The following TMEM33 variants were observed in gnomAD, a reference collection of about 807,000 sequenced individuals.
The protein encoded by TMEM33 is transmembrane protein 33.
A neutral mutation model predicts 29.7 loss-of-function variants in TMEM33; 16 were observed. The ratio of observed to expected loss-of-function variants is 0.54; its 90% confidence interval spans 0.36 to 0.82. The LOEUF (loss-of-function observed/expected upper bound fraction) is 0.82, where lower values mean the gene tolerates loss of function less well. TMEM33 is among the 40% of genes least tolerant of loss of function. The pLI is 0.00. For synonymous variants in TMEM33, 112 were observed against 109.4 expected (o/e 1.02, Z -0.15); for missense variants, 252 against 295.3 (o/e 0.85, Z 1.08).
intron 3 of TMEM33, among the ~76,000 whole-genome samples, chr4:41,940,036 GTTA>G (rs1290655114): frequency 2.3e-5 from 3 of 132,790 alleles, no homozygotes; most frequent in Non-Finnish European, 4.7e-5. Context: ...TGAACACTAG[GTTA>G]AACTTTCTTT....
chr4:41,951,657 A>G (rs1713043664), intron 6 of TMEM33, among the ~76,000 whole-genome samples: 1 of 152,212 alleles, frequency 6.6e-6, no homozygotes, highest in South Asian at 2.1e-4. Flanking sequence ...CTGCTGAATA[A>G]ATTAGACAGC....
chr4:41,943,863 A>G (rs1372816733), intron 4 of TMEM33, 49 bp downstream of exon 4: 2 of 1,558,130 alleles, frequency 1.3e-6, no homozygotes, highest in Non-Finnish European at 1.8e-6. Flanking sequence ...GATCATTGAC[A>G]TGAATTTGAG....
chr4:41,946,123 A>G (rs761859047), intron 5 of TMEM33, among the ~76,000 whole-genome samples: 2 of 141,426 alleles, frequency 1.4e-5, no homozygotes, highest in Non-Finnish European at 3.0e-5. Flanking sequence ...TTATCTCCTG[A>G]TCATGGAATA....
At position 41,959,795 on chromosome 4, in the gene TMEM33, AC is replaced by A; in HGVS notation, c.*5597del. On this transcript the variant is annotated 3_prime_UTR_variant, in exon 7 of 7. Transcript: ENST00000504986. ...ATATTGGAACAAATGTAAAAGGGTT[AC>A]AAAGATTAGAAACAGAGTCATAAAA... is the stretch of plus-strand genomic sequence containing the variant. 1 of 152,224 alleles carries A rather than the reference AC, an allele frequency of 6.6e-6. No individual in the cohort carries two copies. The highest frequency in any genetic ancestry group is 1.9e-4 in the East Asian group (1 of 5,204). The allele number at this position is 152,224 out of a possible 1,614,324, so 9.4% of individuals were successfully genotyped here. A position where few individuals can be genotyped will look rare whatever the true frequency, so the allele number is the denominator to read the frequency against.
Position 41,938,628 on chromosome 4 carries a change from C to T in TMEM33, c.72C>T (p.Asp24=). The T allele has an allele frequency of 6.2e-7, 1 of 1,614,060 alleles. No homozygotes were observed. Among genetic ancestry groups the T allele is most frequent in the Non-Finnish European group, 8.5e-7 (1 of 1,180,004 alleles). Residue 24 remains aspartate, a synonymous_variant, in exon 2 of 7, where the codon GAC becomes GAT. Coordinates refer to ENST00000504986, the MANE Select transcript of TMEM33 (RefSeq NM_018126.3). The part of the protein sequence containing the change: ...AVQFMMTNKL[D]TAMWLSRLFT... ...AATTCATGATGACCAATAAACTGGA[C>T]ACGGCAATGTGGCTTTCTCGCTTGT...
At chr4:41,943,224 A>G (rs1712620111) in intron 3 of TMEM33, among the ~76,000 whole-genome samples, 1 of 152,150 alleles carries the variant, frequency 6.6e-6, no homozygotes, top group Non-Finnish European at 1.5e-5. Context: ...AATTTTTGTC[A>G]TGAAAAGAAC....
At chr4:41,953,124 T>A (rs1437191051) in intron 6 of TMEM33, among the ~76,000 whole-genome samples, 4 of 152,172 alleles carry the variant, frequency 2.6e-5, no homozygotes, top group Non-Finnish European at 5.9e-5. Context: ...CCATAAAAGA[T>A]GTAGGTGTTG....
intron 3 of TMEM33, among the ~76,000 whole-genome samples, chr4:41,942,274 AT>A (rs1712576308): frequency 6.6e-6 from 1 of 152,244 alleles, no homozygotes; most frequent in Non-Finnish European, 1.5e-5. Flanking sequence ...AAAACTTTTT[AT>A]ATACATATAT....
At chr4:41,940,822 A>AG (rs1712507875) in intron 3 of TMEM33, among the ~76,000 whole-genome samples, 1 of 151,628 alleles carries the variant, frequency 6.6e-6, no homozygotes, top group African/African-American at 2.4e-5. Flanking sequence ...AAAAAAAAAA[A>AG]AAAAAAAAGA....
At chr4:41,935,566 AAG>A in intron 1 of TMEM33, 37 bp downstream of exon 1, 2 of 1,581,018 alleles carry the variant, frequency 1.3e-6, no homozygotes, top group Non-Finnish European at 8.6e-7. Flanking sequence ...CTTGATTTGC[AAG>A]AGTTAGGAAG....
Position 41,942,455 on chromosome 4 carries a change from A to G in TMEM33, c.329-1292A>G, listed in dbSNP as rs115926625. On this transcript the variant is annotated intron_variant, in intron 3 of 6. Transcript: ENST00000504986. ...GGAAACTGGGACCCTTGAATTCCTA[A>G]ATGAGTTATGGTTATAATGAATTTG... is the stretch of plus-strand genomic sequence containing the variant. Among the ~76,000 whole-genome samples, 751 of 152,270 alleles carry G rather than the reference A, an allele frequency of 4.9e-3. 8 individuals carry two copies. Among genetic ancestry groups the G allele is most frequent in the African/African-American group, 0.017 (689 of 41,544 alleles).
At position 41,944,882 on chromosome 4, in the gene TMEM33, C is replaced by T; in HGVS notation, c.486C>T (p.Cys162=). ...AAAATATTCTGAAATTCATTGCTTG[C>T]AATGAAATATTCCTGATGCCTGCGA... ...NQQNILKFIA[C]NEIFLMPATV... is the part of the protein sequence containing the mutation. Residue 162 remains cysteine, a synonymous_variant, in exon 5 of 7, where the codon TGC becomes TGT. Transcript: ENST00000504986. The T allele has an allele frequency of 6.2e-7, 1 of 1,613,350 alleles. No homozygotes were observed. Among genetic ancestry groups the T allele is most frequent in the Non-Finnish European group, 8.5e-7 (1 of 1,179,788 alleles).
In TMEM33 at chr4:41,949,452, A is replaced by T. The variant is rs183718818; in HGVS notation, c.614+67A>T. ...GTATTGTGAATATATAGTATTCGCA[A>T]TTCTTAAGAGTTACTTAGCTAATGT... is the stretch of plus-strand genomic sequence containing the variant. On this transcript the variant is annotated intron_variant, in intron 6 of 6. Transcript: ENST00000504986. The T allele has an allele frequency of 2.3e-3, 2,908 of 1,285,068 alleles. 8 individuals carry two copies. The highest frequency in any genetic ancestry group is 3.5e-3 in the South Asian group (262 of 75,038). 79.6% of individuals were successfully genotyped at this position (1,285,068 alleles called of 1,614,324 possible). A position where few individuals can be genotyped will look rare whatever the true frequency, so the allele number is the denominator to read the frequency against.
chr4:41,949,136 T>A (rs1712923378), intron 5 of TMEM33, among the ~76,000 whole-genome samples, 166 bp from the exon 6 acceptor site: 6 of 152,170 alleles, frequency 3.9e-5, no homozygotes, highest in Admixed American at 3.3e-4. Flanking sequence ...GTACATTCTT[T>A]TATATCCTTT....
chr4:41,951,706 A>G (rs928926621), intron 6 of TMEM33, among the ~76,000 whole-genome samples: 2 of 152,362 alleles, frequency 1.3e-5, no homozygotes, highest in East Asian at 3.9e-4. Flanking sequence ...CTCTGAAAGC[A>G]TAGAGAACAG....
chr4:41,953,926 G>C (rs1447942585), intron 6 of TMEM33, 144 bp from the exon 7 acceptor site: 1 of 916,502 alleles, frequency 1.1e-6, no homozygotes, highest in Non-Finnish European at 1.7e-6. Flanking sequence ...TTGGAAAGTG[G>C]CACTGATAGT....
At chr4:41,952,390 C>T (rs1475903992) in intron 6 of TMEM33, among the ~76,000 whole-genome samples, 1 of 152,136 alleles carries the variant, frequency 6.6e-6, no homozygotes, top group Non-Finnish European at 1.5e-5. Flanking sequence ...GTAGTTGCAT[C>T]TTTATACAGG....
intron 5 of TMEM33, among the ~76,000 whole-genome samples, chr4:41,947,081 C>T (rs1712828978): frequency 6.6e-6 from 1 of 151,888 alleles, no homozygotes; most frequent in African/African-American, 2.4e-5. Context: ...ACTAAAAATA[C>T]AAAAATTAGC....
chr4:41,945,761 A>G (rs1454634712), intron 5 of TMEM33, among the ~76,000 whole-genome samples: 9 of 152,092 alleles, frequency 5.9e-5, no homozygotes, highest in Admixed American at 5.9e-4. Flanking sequence ...ACTTGAGGTC[A>G]GGAGTTCAAG....
Sources: gnomAD v4.1 joint callset for allele counts (sites outside exome capture counted in the v4.1 genomes callset) on GRCh38, gnomAD v4.1.1 for gene constraint, MANE v1.5 for transcripts, NCBI Gene and HGNC (gene_info 2026-07-23, HGNC 2026-07-21) for gene names.